The following MTFR1 variants were observed in gnomAD, a reference collection of about 807,000 sequenced individuals.
MTFR1 encodes the protein mitochondrial fission regulator 1, also known as chondrocyte protein with a poly-proline region.
In MTFR1, 28 loss-of-function variants were observed where a neutral mutation model predicts 38.8. The ratio of observed to expected loss-of-function variants is 0.72; its 90% CI spans 0.53 to 0.99. The LOEUF (loss-of-function observed/expected upper bound fraction) is 0.99, where lower values mean the gene tolerates loss of function less well. Ranked by LOEUF, MTFR1 falls within the 50% of genes least tolerant of loss-of-function variation. The pLI, the probability that MTFR1 is intolerant of heterozygous loss-of-function variation, is 0.00. For missense variants in MTFR1, 358 were observed against 395.5 expected, an observed-to-expected ratio of 0.91 and a Z score of 0.81; for synonymous variants, 145 against 137.0, an observed-to-expected ratio of 1.06 and a Z score of -0.41.
Position 65,709,167 on chromosome 8 carries a change from C to G in MTFR1, c.*123C>G, listed in dbSNP as rs1805872364. On this transcript the variant is annotated 3_prime_UTR_variant, in exon 8 of 8. Transcript: ENST00000262146. ...AGTATTCAGTGGTCTTCTTTTCAGGCTAATTAGTGGATTAAGCAATAATGA... is the reference window on the plus strand; with the variant it reads ...AGTATTCAGTGGTCTTCTTTTCAGGGTAATTAGTGGATTAAGCAATAATGA... 6.8e-6 allele frequency: 6 copies of G among 882,942 alleles called. No homozygotes were observed. The South Asian group carries it at 9.2e-5, about 13-fold the overall frequency. The allele number at this position is 882,942 out of a possible 1,614,324, so 54.7% of individuals were successfully genotyped here.
At chr8:65,732,473 A>G (rs1274729572) in intron 3 of MTFR1, among the ~76,000 whole-genome samples, 1 of 152,176 alleles carries the variant, frequency 6.6e-6, no homozygotes, top group Non-Finnish European at 1.5e-5. Flanking sequence ...ATAAAACGTG[A>G]TGCTGTGCAA....
intron 3 of MTFR1, among the ~76,000 whole-genome samples, chr8:65,686,647 A>G (rs1805087677): frequency 7.0e-6 from 1 of 143,112 alleles, no homozygotes; most frequent in Non-Finnish European, 1.5e-5. Flanking sequence ...ATGGCTGGGC[A>G]CGGGGTGGCT....
chr8:65,773,150 G>A (rs550601480), downstream of MTFR1, among the ~76,000 whole-genome samples: 1 of 152,168 alleles, frequency 6.6e-6, no homozygotes, highest in African/African-American at 2.4e-5. Context: ...GCAGGAGCAC[G>A]TGCTCATTTC....
At chr8:65,668,695 T>C (rs986583483) in intron 1 of MTFR1, among the ~76,000 whole-genome samples, 1 of 147,854 alleles carries the variant, frequency 6.8e-6, no homozygotes, top group East Asian at 2.0e-4. Context: ...TGTATTTTTA[T>C]TAGAGTTGGA....
chr8:65,652,108 A>AT (rs543325896), intron 1 of MTFR1, among the ~76,000 whole-genome samples: 8 of 150,636 alleles, frequency 5.3e-5, no homozygotes, highest in South Asian at 2.1e-4. Context: ...TGCCTGGCTA[A>AT]TTTTTTTTTG....
At chr8:65,773,498 C>A (rs574937964), downstream of MTFR1, among the ~76,000 whole-genome samples, 38 of 152,338 alleles carry the variant, frequency 2.5e-4, no homozygotes, top group African/African-American at 8.7e-4. Flanking sequence ...AAAGCTTCCA[C>A]ATCACTGGAT....
At chr8:65,725,437 A>T (rs1439386078) in intron 3 of MTFR1, 1 of 154,454 alleles carries the variant, frequency 6.5e-6, no homozygotes, top group Non-Finnish European at 1.5e-5. Context: ...CAACTTAATA[A>T]CTGTGTTTTC....
Position 65,669,902 on chromosome 8 carries a change from A to C in MTFR1, c.-51A>C. ...TTTTATGGACCATGTGCTGCTATGT[A>C]TGCCTGAAGAAGTACTTGAAATGCA... On this transcript the variant is annotated 5_prime_UTR_variant, in exon 2 of 8. The change abolishes an upstream ATG in the 5' untranslated region. Coordinates refer to ENST00000262146, the MANE Select transcript of MTFR1 (RefSeq NM_014637.4). The C allele has an allele frequency of 7.0e-7, 1 of 1,422,598 alleles. No individual in the cohort carries two copies. The highest frequency in any genetic ancestry group is 9.8e-7 in the Non-Finnish European group (1 of 1,017,498). The allele number at this position is 1,422,598 out of a possible 1,614,324, so 88.1% of individuals were successfully genotyped here.
At chr8:65,776,373 A>G in the MTFR1 span, among the ~76,000 whole-genome samples, 5 of 152,150 alleles carry the variant, frequency 3.3e-5, no homozygotes, top group African/African-American at 9.7e-5. Context: ...AATAAGTTTG[A>G]TATCTATGAG....
At chr8:65,667,028 C>T (rs1309522055) in intron 1 of MTFR1, among the ~76,000 whole-genome samples, 2 of 152,134 alleles carry the variant, frequency 1.3e-5, no homozygotes, top group East Asian at 3.8e-4. Context: ...AATCCCAGCA[C>T]TTTGGGAGGC....
rs550299973 is a variant in MTFR1, at chr8:65,688,402, A to T, written c.166-5242A>T. Reference sequence around the variant, plus strand: ...GTGACAGAGTGAGATTTCATCTTAAACAAGCAAACAAAAAAAACCCCAGAA... The same window carrying T: ...GTGACAGAGTGAGATTTCATCTTAATCAAGCAAACAAAAAAAACCCCAGAA... On this transcript the variant is annotated intron_variant, in intron 3 of 7. Coordinates refer to ENST00000262146, the MANE Select transcript of MTFR1 (RefSeq NM_014637.4). Among the ~76,000 whole-genome samples the T allele has an allele frequency of 5.3e-5, 8 of 151,222 alleles. No homozygotes were observed. The East Asian group carries it at 1.4e-3, about 26-fold the overall frequency.
downstream of MTFR1, among the ~76,000 whole-genome samples, chr8:65,772,658 C>CCTG (rs1206845260): frequency 6.6e-6 from 1 of 152,166 alleles, no homozygotes; most frequent in Admixed American, 6.5e-5. Flanking sequence ...GGATAATCCT[C>CCTG]CTGGTCATTA....
intron 3 of MTFR1, chr8:65,747,887 C>A: frequency 2.9e-6 from 2 of 698,822 alleles, no homozygotes; most frequent in East Asian, 3.0e-5. Context: ...TAGTTATGTA[C>A]AAGTATTTTT....
chr8:65,763,126 G>A (rs1808595564), intron 3 of MTFR1, among the ~76,000 whole-genome samples: 1 of 151,758 alleles, frequency 6.6e-6, no homozygotes, highest in Admixed American at 6.6e-5. Context: ...AATGTTATGT[G>A]TACAACCAAT....
At chr8:65,711,478 A>G (rs1805943689), downstream of MTFR1, among the ~76,000 whole-genome samples, 1 of 152,192 alleles carries the variant, frequency 6.6e-6, no homozygotes, top group African/African-American at 2.4e-5. Context: ...AGTTCGCCCA[A>G]CAAAGTCAGC....
chr8:65,747,556 G>T, intron 3 of MTFR1: 1 of 688,202 alleles, frequency 1.5e-6, no homozygotes. Flanking sequence ...TTCATAGACA[G>T]AGAAAAAGAC....
At chr8:65,755,601 T>A (rs760485777) in intron 3 of MTFR1, among the ~76,000 whole-genome samples, 1 of 152,352 alleles carries the variant, frequency 6.6e-6, no homozygotes, top group African/African-American at 2.4e-5. Context: ...ACCACAGACA[T>A]AATTATTGTT....
chr8:65,739,652 T>A, intron 3 of MTFR1: 1 of 1,360,616 alleles, frequency 7.3e-7, no homozygotes, highest in Non-Finnish European at 9.6e-7. Flanking sequence ...AACACAATTA[T>A]ATTATGCTTT....
intron 2 of MTFR1, among the ~76,000 whole-genome samples, chr8:65,678,616 A>G (rs1311106638): frequency 1.3e-5 from 2 of 152,096 alleles, no homozygotes; most frequent in African/African-American, 4.8e-5. Context: ...TAAAAGCTGA[A>G]TCGGCTGGGC....
Sources: allele counts gnomAD v4.1 joint callset (sites outside exome capture counted in the v4.1 genomes callset), GRCh38; gene constraint gnomAD v4.1.1; transcripts MANE v1.5; gene names NCBI Gene and HGNC (gene_info 2026-07-23, HGNC 2026-07-21).